MAP3K20: variants seen among roughly 807,000 people sequenced by gnomAD.
MAP3K20 encodes the protein HCCS-4.
Under a neutral mutation model 85.7 loss-of-function variants are expected in MAP3K20, and 40 were observed. The ratio of observed to expected loss-of-function variants is 0.47; its 90% CI spans 0.36 to 0.61. The LOEUF is 0.61. Among genes scored for constraint, MAP3K20 ranks in the 20% least tolerant of loss-of-function variants. MAP3K20 has a pLI of 0.00. For synonymous variants in MAP3K20, 325 were observed against 327.7 expected (o/e 0.99, Z 0.09); for missense variants, 817 against 961.7 (o/e 0.85, Z 1.99).
At chr2:173,164,000 G>A (rs974503986) in intron 2 of MAP3K20, among the ~76,000 whole-genome samples, 8 of 149,336 alleles carry the variant, frequency 5.4e-5, no homozygotes, top group Non-Finnish European at 1.0e-4. Flanking sequence ...TAGCTCTGTC[G>A]CGAGGCTGGA....
At chr2:173,251,504 G>A (rs1265184340) in intron 16 of MAP3K20, among the ~76,000 whole-genome samples, 1 of 152,184 alleles carries the variant, frequency 6.6e-6, no homozygotes, top group Non-Finnish European at 1.5e-5. Context: ...ACAGGGTAAG[G>A]CTGCGAGGAT....
chr2:173,091,542 A>G (rs1559226950), intron 2 of MAP3K20, among the ~76,000 whole-genome samples: 1 of 152,120 alleles, frequency 6.6e-6, no homozygotes, highest in South Asian at 2.1e-4. Context: ...GTAAAGAGTA[A>G]TGTGTGAAGT....
chr2:173,221,473 C>CGATGAT lies in MAP3K20; in HGVS notation c.987+4235_987+4240dup, dbSNP rs575630590. ...GTGATTTTGACTTGTCAGAAGGTGA[C>CGATGAT]GATGATGATGATGATGACGGTGAGG... is the stretch of plus-strand genomic sequence containing the variant. On this transcript the variant is annotated intron_variant, in intron 11 of 19. Transcript: ENST00000375213. 1,658 of 1,608,962 alleles carry CGATGAT rather than the reference C, an allele frequency of 1.0e-3. 1 individual carries two copies. Among genetic ancestry groups the CGATGAT allele is most frequent in the Non-Finnish European group, 1.3e-3 (1,489 of 1,176,410 alleles).
At chr2:173,231,795 T>C (rs186659560) in intron 12 of MAP3K20, among the ~76,000 whole-genome samples, 1 of 152,342 alleles carries the variant, frequency 6.6e-6, no homozygotes, top group Non-Finnish European at 1.5e-5. Flanking sequence ...GAACAAAAGA[T>C]TCCTTCTGTC....
chr2:173,221,500 G>A (rs1240115574), intron 11 of MAP3K20: 3 of 1,599,156 alleles, frequency 1.9e-6, no homozygotes, highest in South Asian at 2.2e-5. Context: ...ACGGTGAGGA[G>A]GAGGATAATG....
intron 2 of MAP3K20, among the ~76,000 whole-genome samples, chr2:173,134,420 A>ATTTTTTTTTT (rs1559246094): frequency 6.5e-4 from 4 of 6,154 alleles, no homozygotes; most frequent in Non-Finnish European, 1.3e-3. Context: ...ATATATATAT[A>ATTTTTTTTTT]TATATATATT....
intron 1 of MAP3K20, among the ~76,000 whole-genome samples, chr2:173,081,094 T>C (rs923933267): frequency 6.6e-6 from 1 of 152,200 alleles, no homozygotes; most frequent in African/African-American, 2.4e-5. Flanking sequence ...ATATTTAATC[T>C]TAAAAATTTA....
intron 2 of MAP3K20, among the ~76,000 whole-genome samples, chr2:173,130,451 A>G (rs184640362): frequency 1.8e-3 from 269 of 152,336 alleles, no homozygotes; most frequent in African/African-American, 6.1e-3. Flanking sequence ...CAGTATTTTT[A>G]TGCTATCAAG....
At chr2:173,252,265 ATACT>A (rs1360566073) in intron 16 of MAP3K20, among the ~76,000 whole-genome samples, 1 of 152,236 alleles carries the variant, frequency 6.6e-6, no homozygotes, top group Non-Finnish European at 1.5e-5. Context: ...TCACAAAGAG[ATACT>A]TAATTTAGCA....
intron 16 of MAP3K20, among the ~76,000 whole-genome samples, chr2:173,242,003 T>G (rs1043097966): frequency 2.0e-5 from 3 of 152,198 alleles, no homozygotes; most frequent in Admixed American, 6.5e-5. Flanking sequence ...CCTAAGTTCA[T>G]CTGATGGTAA....
intron 2 of MAP3K20, among the ~76,000 whole-genome samples, chr2:173,095,927 T>G (rs12989116): frequency 0.28 from 42,720 of 152,108 alleles, 7,420 homozygotes; most frequent in Non-Finnish European, 0.39. Flanking sequence ...TATGATGATT[T>G]TACATTTCTT....
chr2:173,204,013 G>C (rs1353527244), intron 9 of MAP3K20, 143 bp downstream of exon 9: 1 of 703,888 alleles, frequency 1.4e-6, no homozygotes, highest in Admixed American at 2.4e-5. Context: ...GACTGTTAAG[G>C]TTTTCTGTTG....
At chr2:173,204,660 C>T (rs1054511084) in intron 9 of MAP3K20, among the ~76,000 whole-genome samples, 1 of 152,058 alleles carries the variant, frequency 6.6e-6, no homozygotes, top group Non-Finnish European at 1.5e-5. Flanking sequence ...CTTGGATTTG[C>T]TTCAAAACAA....
At chr2:173,222,410 A>G (rs1301731351) in intron 11 of MAP3K20, 2 of 985,766 alleles carry the variant, frequency 2.0e-6, no homozygotes, top group East Asian at 1.1e-4. Flanking sequence ...TGAAACCAAC[A>G]GCAGATGTTG....
intron 2 of MAP3K20, among the ~76,000 whole-genome samples, chr2:173,154,431 G>A (rs1033398280): frequency 1.3e-5 from 2 of 152,082 alleles, no homozygotes; most frequent in Non-Finnish European, 2.9e-5. Context: ...TGATCCACCT[G>A]CCTCAGCCTC....
Position 173,119,834 on chromosome 2 carries a change from G to A in MAP3K20, c.159+28644G>A, listed in dbSNP as rs1688229840. Among the ~76,000 whole-genome samples, 3 of 152,088 alleles carry A rather than the reference G, an allele frequency of 2.0e-5. 1 individual carries two copies. The South Asian group carries it at 6.2e-4, about 32-fold the overall frequency. ...AGTCCCAACAGTCACTGTGTCCATT[G>A]CCTGCTTTATTAATTTCTTCTCAGA... On this transcript the variant is annotated intron_variant, in intron 2 of 19. Transcript: ENST00000375213.
In MAP3K20 at chr2:173,266,664, T is replaced by C. The variant is rs35608243; in HGVS notation, c.2317T>C (p.Tyr773His). Reference sequence around the variant, plus strand: ...CGAAGGGGGCTGGACAAAAGTGGAATACCGGAAAAAGCCCCACAGGCCATC... The same window carrying C: ...CGAAGGGGGCTGGACAAAAGTGGAACACCGGAAAAAGCCCCACAGGCCATC... ...VSEGGWTKVE[Y>H]RKKPHRPSPA... Residue 773 changes from tyrosine to histidine, a missense_variant, in exon 20 of 20, where the codon TAC becomes CAC. Tyr to His is a moderately conservative substitution (Grantham distance 83). Around this residue, in one of 4 missense-constraint regions of MAP3K20, gnomAD observed 454 missense variants for 476.9 expected, o/e 0.95. Transcript: ENST00000375213. 154,319 of 1,610,306 alleles carry C rather than the reference T, an allele frequency of 0.096. 8,705 individuals carry two copies. The highest frequency in any genetic ancestry group is 0.23 in the Admixed American group (13,663 of 59,262).
intron 2 of MAP3K20, among the ~76,000 whole-genome samples, chr2:173,155,018 G>A (rs539356853): frequency 6.6e-6 from 1 of 152,226 alleles, no homozygotes; most frequent in Admixed American, 6.5e-5. Context: ...TTATTTTTTG[G>A]AGAGATGAAA....
intron 11 of MAP3K20, chr2:173,221,995 T>C (rs1684265605): frequency 2.0e-6 from 2 of 985,358 alleles, no homozygotes; most frequent in East Asian, 2.3e-4. Context: ...CACTGTAATA[T>C]CAGAAATGGT....
Sources: allele counts gnomAD v4.1 joint callset (sites outside exome capture counted in the v4.1 genomes callset), GRCh38; gene constraint gnomAD v4.1.1; regional missense constraint gnomAD v4.1.1; transcripts MANE v1.5; gene names NCBI Gene and HGNC (gene_info 2026-07-23, HGNC 2026-07-21).